DRC8: variants seen among roughly 807,000 people sequenced by gnomAD.
DRC8 encodes the protein dynein regulatory complex subunit 8, also known as dynein regulatory complex protein 8.
chr1:245,104,761 A>G, the DRC8 span, among the ~76,000 whole-genome samples: 1 of 152,188 alleles, frequency 6.6e-6, no homozygotes, highest in Non-Finnish European at 1.5e-5. Context: ...CCACACAACC[A>G]TTAAACCACG....
At chr1:245,020,258 A>T in the DRC8 span, among the ~76,000 whole-genome samples, 13 of 152,320 alleles carry the variant, frequency 8.5e-5, no homozygotes, top group South Asian at 1.9e-3. Context: ...TGCATTAGAT[A>T]AAGGGAAAGT....
chr1:245,017,448 A>G, the DRC8 span: 85,492 of 1,015,234 alleles, frequency 0.084, 4,254 homozygotes, highest in African/African-American at 0.16. Flanking sequence ...TTAAGTATTT[A>G]TTTTCCATGC....
the DRC8 span, among the ~76,000 whole-genome samples, chr1:244,982,702 C>T: frequency 6.6e-6 from 1 of 152,040 alleles, no homozygotes; most frequent in South Asian, 2.1e-4. Context: ...AAACAACACC[C>T]AAGAACCATG....
chr1:245,087,718 G>T, the DRC8 span: 396,295 of 1,001,286 alleles, frequency 0.4, 79,608 homozygotes, highest in Middle Eastern at 0.45. Flanking sequence ...CTTAAGAGGG[G>T]GCAGAACGAA....
chr1:244,987,986 A>G, the DRC8 span, among the ~76,000 whole-genome samples: 1 of 152,036 alleles, frequency 6.6e-6, no homozygotes, highest in Non-Finnish European at 1.5e-5. Context: ...CTTTGTATTT[A>G]TTATCATTAA....
the DRC8 span, chr1:245,122,409 A>G: frequency 6.5e-6 from 1 of 154,254 alleles, no homozygotes; most frequent in Non-Finnish European, 1.4e-5. Flanking sequence ...GCCCATTTAC[A>G]AACAACAGCT....
At chr1:244,999,592 C>T in the DRC8 span, among the ~76,000 whole-genome samples, 2 of 152,182 alleles carry the variant, frequency 1.3e-5, no homozygotes, top group South Asian at 4.1e-4. Context: ...TTTGATATAG[C>T]TTTGAAGTAT....
chr1:244,981,385 T>C, the DRC8 span, among the ~76,000 whole-genome samples: 1 of 152,194 alleles, frequency 6.6e-6, no homozygotes, highest in Non-Finnish European at 1.5e-5. Context: ...AGGAAGCACT[T>C]AAAAATGTTG....
the DRC8 span, among the ~76,000 whole-genome samples, chr1:244,990,704 C>T: frequency 1.7e-4 from 26 of 152,002 alleles, no homozygotes; most frequent in South Asian, 4.1e-4. Flanking sequence ...GCTGGAATCT[C>T]GATTTACTGC....
chr1:245,098,592 C>G, the DRC8 span, among the ~76,000 whole-genome samples: 2 of 152,244 alleles, frequency 1.3e-5, no homozygotes, highest in Non-Finnish European at 1.5e-5. Context: ...CTGAGGCAAG[C>G]TGGACTCACA....
At chr1:245,079,521 G>A in the DRC8 span, among the ~76,000 whole-genome samples, 4 of 152,178 alleles carry the variant, frequency 2.6e-5, no homozygotes, top group South Asian at 4.1e-4. Flanking sequence ...GAGGGAACCC[G>A]GGGAAGCGAT....
chr1:245,088,485 G>A, the DRC8 span, among the ~76,000 whole-genome samples: 13 of 152,286 alleles, frequency 8.5e-5, no homozygotes, highest in African/African-American at 2.2e-4. This position sits in a 1 kb window ranked among gnomAD's most constrained non-coding sequence, Gnocchi z 4.6. Context: ...AGAGACTGTC[G>A]CTGTTCATTC....
the DRC8 span, among the ~76,000 whole-genome samples, chr1:245,080,512 C>T: frequency 6.6e-6 from 1 of 152,148 alleles, no homozygotes; most frequent in African/African-American, 2.4e-5. Flanking sequence ...CAGCTGGTCC[C>T]TCACTCAGGA....
the DRC8 span, among the ~76,000 whole-genome samples, chr1:244,972,106 T>A: frequency 7.9e-5 from 12 of 151,902 alleles, no homozygotes; most frequent in African/African-American, 1.2e-4. Context: ...TTTTAAAAAC[T>A]GAGAGCTTTC....
chr1:244,983,585 C>A, the DRC8 span, among the ~76,000 whole-genome samples: 1 of 151,786 alleles, frequency 6.6e-6, no homozygotes, highest in Admixed American at 6.6e-5. Flanking sequence ...ACTAAAAATA[C>A]AAAAATTAGC....
chr1:244,970,606 CCCCCGT>C, the DRC8 span: 1 of 760,604 alleles, frequency 1.3e-6, no homozygotes, highest in Non-Finnish European at 1.9e-6. Context: ...AGTCGCCCTG[CCCCCGT>C]CCCCGTAGCC....
chr1:244,995,693 A>T, the DRC8 span, among the ~76,000 whole-genome samples: 1 of 152,104 alleles, frequency 6.6e-6, no homozygotes, highest in Non-Finnish European at 1.5e-5. Flanking sequence ...ACCAGGAAGC[A>T]CCTTCAGTGC....
chr1:245,006,138 C>T, the DRC8 span, among the ~76,000 whole-genome samples: 1 of 152,146 alleles, frequency 6.6e-6, no homozygotes, highest in Non-Finnish European at 1.5e-5. Context: ...CCTTGCGAAC[C>T]ATTGGAGGAT....
chr1:245,042,223 C>T, the DRC8 span, among the ~76,000 whole-genome samples: 2 of 152,220 alleles, frequency 1.3e-5, no homozygotes, highest in Admixed American at 1.3e-4. Context: ...GTTTCTCAGT[C>T]ACTCTGTAAT....
Sources: allele counts gnomAD v4.1 joint callset (sites outside exome capture counted in the v4.1 genomes callset), GRCh38; gene constraint gnomAD v4.1.1; non-coding constraint Gnocchi (gnomAD v3.1); transcripts MANE v1.5; gene names NCBI Gene and HGNC (gene_info 2026-07-23, HGNC 2026-07-21).